Variants in RBFOX1 observed in about 807,000 individuals in gnomAD.
RBFOX1 encodes RNA binding fox-1 homolog 1, also known as RNA binding protein fox-1 homolog 1.
In RBFOX1, 8 loss-of-function variants were observed where a neutral mutation model predicts 57.7. The observed-to-expected ratio is 0.14, with a 90% CI of 0.08 to 0.25. The LOEUF is 0.25. Among genes scored for constraint, RBFOX1 ranks in the 10% least tolerant of loss-of-function variants. The pLI is 1.00. For synonymous variants in RBFOX1, 326 were observed against 222.4 expected, an observed-to-expected ratio of 1.47 and a Z score of -4.15; for missense variants, 611 against 548.5, an observed-to-expected ratio of 1.11 and a Z score of -1.14.
intron 4 of RBFOX1, among the ~76,000 whole-genome samples, chr16:7,087,928 G>C (rs1000157126): frequency 5.3e-5 from 8 of 151,922 alleles, no homozygotes; most frequent in African/African-American, 1.9e-4. Context: ...CTTTCTCTCT[G>C]ATTAATAAAT....
chr16:7,531,475 C>A (rs2080063643), intron 5 of RBFOX1, among the ~76,000 whole-genome samples: 1 of 152,148 alleles, frequency 6.6e-6, no homozygotes, highest in South Asian at 2.1e-4. Flanking sequence ...AAAACCAGAA[C>A]ATAGAGAAAT....
intron 4 of RBFOX1, among the ~76,000 whole-genome samples, chr16:7,450,449 G>A (rs1247382218): frequency 6.6e-6 from 1 of 150,708 alleles, no homozygotes; most frequent in Non-Finnish European, 1.5e-5. Context: ...CAAAAAGGAG[G>A]GACTGTGGAT....
At chr16:6,547,600 G>C (rs1183196379) in intron 2 of RBFOX1, among the ~76,000 whole-genome samples, 1 of 152,162 alleles carries the variant, frequency 6.6e-6, no homozygotes, top group Admixed American at 6.5e-5. Flanking sequence ...TGTCTCCTGA[G>C]GGAGGGGAAA....
intron 3 of RBFOX1, among the ~76,000 whole-genome samples, chr16:6,719,169 G>A (rs1454820471): frequency 2.0e-5 from 3 of 152,082 alleles, no homozygotes; most frequent in Non-Finnish European, 2.9e-5. Flanking sequence ...GCCTGGCTGA[G>A]ATGTGTACAT....
intron 14 of RBFOX1, among the ~76,000 whole-genome samples, chr16:7,700,472 G>C (rs1207067875): frequency 2.0e-5 from 3 of 152,120 alleles, no homozygotes; most frequent in Non-Finnish European, 4.4e-5. Flanking sequence ...GTTCAACCCT[G>C]CTTCATGGAA....
intron 4 of RBFOX1, among the ~76,000 whole-genome samples, chr16:7,217,925 GGTGTGTGCGTGCAT>G (rs2092360289): frequency 6.6e-6 from 1 of 150,668 alleles, no homozygotes. Context: ...TGTGAGTGTA[GGTGTGTGCGTGCAT>G]GTGTGTGTGT....
intron 4 of RBFOX1, among the ~76,000 whole-genome samples, chr16:7,226,185 C>T (rs28506775): frequency 0.039 from 5,902 of 152,244 alleles, 132 homozygotes; most frequent in Middle Eastern, 0.065. Context: ...GGATAACTCT[C>T]AGGTACCCTG....
At chr16:6,989,219 C>T (rs2090980963) in intron 3 of RBFOX1, among the ~76,000 whole-genome samples, 1 of 152,046 alleles carries the variant, frequency 6.6e-6, no homozygotes, top group Non-Finnish European at 1.5e-5. Flanking sequence ...TAAAATGTGG[C>T]TATTAGAAAA....
At chr16:5,685,363 G>A (rs900034955) in intron 3 of RBFOX1, among the ~76,000 whole-genome samples, 1 of 152,142 alleles carries the variant, frequency 6.6e-6, no homozygotes, top group Non-Finnish European at 1.5e-5. Context: ...TCATGGAGGG[G>A]CTCTTATGAG....
intron 3 of RBFOX1, among the ~76,000 whole-genome samples, chr16:6,839,683 A>G (rs34497024): frequency 0.45 from 68,632 of 151,672 alleles, 17,933 homozygotes; most frequent in East Asian, 0.87. Context: ...TTTAATTAAG[A>G]TGCTGTTCAC....
intron 2 of RBFOX1, among the ~76,000 whole-genome samples, chr16:5,475,052 C>T (rs2069273414): frequency 6.6e-6 from 1 of 152,070 alleles, no homozygotes. Context: ...TGTAAGATTT[C>T]CTTTTGTTGT....
chr16:6,890,102 A>G (rs994551967), intron 3 of RBFOX1, among the ~76,000 whole-genome samples: 5 of 152,236 alleles, frequency 3.3e-5, no homozygotes, highest in African/African-American at 1.2e-4. Flanking sequence ...CAAAGAGTAC[A>G]ATAAAGGAAA....
intron 2 of RBFOX1, among the ~76,000 whole-genome samples, chr16:6,367,640 A>G (rs1176137740): frequency 6.6e-6 from 1 of 152,122 alleles, no homozygotes; most frequent in African/African-American, 2.4e-5. Context: ...TAAAAATACC[A>G]TGAGAACATG....
chr16:7,693,885 G>A (rs1427778311), intron 14 of RBFOX1, among the ~76,000 whole-genome samples: 1 of 152,176 alleles, frequency 6.6e-6, no homozygotes, highest in African/African-American at 2.4e-5. Context: ...ATTAGCCAAA[G>A]ATCCTCTATT....
intron 3 of RBFOX1, among the ~76,000 whole-genome samples, chr16:6,872,398 CTT>C (rs1265421816): frequency 2.0e-5 from 3 of 152,148 alleles, no homozygotes; most frequent in Non-Finnish European, 4.4e-5. Context: ...GACCATAGCT[CTT>C]TTTTTAATCG....
At chr16:6,540,969 C>T (rs887156817) in intron 2 of RBFOX1, among the ~76,000 whole-genome samples, 7 of 152,164 alleles carry the variant, frequency 4.6e-5, no homozygotes, top group Non-Finnish European at 1.0e-4. Context: ...CCAGAACCCC[C>T]TAGACATTTC....
chr16:5,656,986 G>A (rs2049452658), intron 3 of RBFOX1, among the ~76,000 whole-genome samples: 1 of 152,066 alleles, frequency 6.6e-6, no homozygotes, highest in Admixed American at 6.6e-5. Context: ...AATGCGTGCG[G>A]GGCTTAAAAC....
chr16:5,623,421 G>A (rs1306706935), intron 3 of RBFOX1, among the ~76,000 whole-genome samples: 6 of 152,146 alleles, frequency 3.9e-5, no homozygotes, highest in Non-Finnish European at 2.9e-5. Context: ...TACTCTCAGC[G>A]AGTTTCTGTT....
Position 5,376,819 on chromosome 16 carries a change from T to C in RBFOX1, c.220-90397T>C, listed in dbSNP as rs968624090. On this transcript the variant is annotated intron_variant, in intron 1 of 2. Coordinates refer to the RBFOX1 transcript ENST00000585867. ...GAAGTGTCAGAGATAAAGTCCCCAG[T>C]AGCAGCCTCAGCCAGTGATGTTGCC... Among the ~76,000 whole-genome samples the C allele has an allele frequency of 2.6e-5, 4 of 151,640 alleles. No homozygotes were observed. In the East Asian group the frequency reaches 7.7e-4, roughly 29 times the overall value.
Sources: allele counts gnomAD v4.1 joint callset (sites outside exome capture counted in the v4.1 genomes callset), GRCh38; gene constraint gnomAD v4.1.1; transcripts MANE v1.5; gene names NCBI Gene and HGNC (gene_info 2026-07-23, HGNC 2026-07-21).